ARHGAP6: variants seen among roughly 807,000 people sequenced by gnomAD.
ARHGAP6 encodes the protein Rho GTPase activating protein 6, also known as rho GTPase-activating protein 6.
A neutral mutation model predicts 55.7 loss-of-function variants in ARHGAP6; 16 were observed. That is an observed-to-expected ratio of 0.29 (90% CI 0.19 to 0.44). ARHGAP6 has a LOEUF of 0.44. Ranked by LOEUF, ARHGAP6 falls within the 20% of genes least tolerant of loss-of-function variation. ARHGAP6 has a pLI of 1.00. For missense variants in ARHGAP6, 698 were observed against 808.9 expected (o/e 0.86, Z 1.66); for synonymous variants, 382 against 360.9 (o/e 1.06, Z -0.66).
chrX:11,524,453 T>G (rs1245852185), intron 1 of ARHGAP6, among the ~76,000 whole-genome samples: 1 of 112,191 alleles, frequency 8.9e-6, no homozygotes, highest in Non-Finnish European at 1.9e-5. Context: ...TGGGTCTACC[T>G]GCCCACTCCC....
chrX:11,617,463 G>A (rs984175607), intron 1 of ARHGAP6, among the ~76,000 whole-genome samples: 1 of 111,706 alleles, frequency 9.0e-6, no homozygotes, highest in Non-Finnish European at 1.9e-5. Flanking sequence ...ATTTGTGATA[G>A]GCAAAATAAC....
intron 1 of ARHGAP6, among the ~76,000 whole-genome samples, chrX:11,633,010 A>G (rs894179999): frequency 8.9e-6 from 1 of 111,772 alleles, no homozygotes; most frequent in Non-Finnish European, 1.9e-5. Context: ...ACTCTGAGGT[A>G]TAATTTACCC....
intron 1 of ARHGAP6, among the ~76,000 whole-genome samples, chrX:11,599,539 A>C (rs1174479086): frequency 8.9e-6 from 1 of 112,181 alleles, no homozygotes; most frequent in Non-Finnish European, 1.9e-5. Context: ...TAAGACAAAC[A>C]CTACATAATA....
intron 2 of ARHGAP6, among the ~76,000 whole-genome samples, chrX:11,204,750 C>T (rs943967857): frequency 8.9e-6 from 1 of 112,041 alleles, no homozygotes; most frequent in Non-Finnish European, 1.9e-5. Context: ...GAACCAGCCA[C>T]CTCAAAGTCG....
intron 1 of ARHGAP6, among the ~76,000 whole-genome samples, chrX:11,617,788 G>A (rs890697567): frequency 1.8e-5 from 2 of 111,393 alleles, no homozygotes; most frequent in South Asian, 3.8e-4. Context: ...TTATAAGGTC[G>A]TGCTGCTTGA....
At chrX:11,326,714 C>T (rs1050722159) in intron 1 of ARHGAP6, among the ~76,000 whole-genome samples, 2 of 111,842 alleles carry the variant, frequency 1.8e-5, no homozygotes, top group Non-Finnish European at 3.8e-5. Context: ...TATTAAAAAA[C>T]AAACTTTTAA....
At chrX:11,443,141 G>A (rs2050057171) in intron 1 of ARHGAP6, among the ~76,000 whole-genome samples, 1 of 111,981 alleles carries the variant, frequency 8.9e-6, no homozygotes. Flanking sequence ...CCATTGATCT[G>A]TTTGCCTGTT....
chrX:11,245,374 G>C (rs1164286178), intron 2 of ARHGAP6, among the ~76,000 whole-genome samples: 2 of 111,411 alleles, frequency 1.8e-5, no homozygotes, highest in African/African-American at 3.3e-5. Flanking sequence ...AGCCCTCTGG[G>C]TGTCACTCCC....
At position 11,225,785 on chromosome X, in the gene ARHGAP6, T is replaced by C. The variant is rs775538324; in HGVS notation, c.748+28763A>G. Reference sequence around the variant, plus strand: ...TGTTCTATTTGGTAACACAATACGTTCTTATAAAATACAACTCATGAACAA... The same window carrying C: ...TGTTCTATTTGGTAACACAATACGTCCTTATAAAATACAACTCATGAACAA... On this transcript the variant is annotated intron_variant, in intron 2 of 12. Coordinates refer to ENST00000337414, the MANE Select transcript of ARHGAP6 (RefSeq NM_013427.3). The C allele has an allele frequency of 1.0e-4, 39 of 391,685 alleles. No homozygotes were observed. The South Asian group carries it at 1.4e-3, about 14-fold the overall frequency. The allele number at this position is 391,685 out of a possible 1,213,427, so 32.3% of individuals were successfully genotyped here.
At chrX:11,405,809 A>C (rs1308770586) in intron 1 of ARHGAP6, among the ~76,000 whole-genome samples, 1 of 112,068 alleles carries the variant, frequency 8.9e-6, no homozygotes, top group Non-Finnish European at 1.9e-5. Flanking sequence ...TTACAACCCA[A>C]CTTCACCACT....
chrX:11,367,798 C>T lies in ARHGAP6; in HGVS notation c.589-113091G>A, dbSNP rs1265005192. The T allele has an allele frequency of 5.3e-5, 40 of 751,814 alleles. No individual in the cohort carries two copies. In the South Asian group the frequency reaches 1.1e-3, roughly 21 times the overall value. The allele number at this position is 751,814 out of a possible 1,213,427, so 62.0% of individuals were successfully genotyped here. A position where few individuals can be genotyped will look rare whatever the true frequency, so the allele number is the denominator to read the frequency against. ...CCAGATTGTGGGACTTCCAGGCTTC[C>T]GCCCTATCAGGCAGGCACATCTGCT... On this transcript the variant is annotated intron_variant, in intron 1 of 12. Coordinates refer to ENST00000337414, the MANE Select transcript of ARHGAP6 (RefSeq NM_013427.3).
At chrX:11,499,460 T>C (rs5935080) in intron 1 of ARHGAP6, among the ~76,000 whole-genome samples, 1,984 of 111,988 alleles carry the variant, frequency 0.018, 28 homozygotes, top group Middle Eastern at 0.06. Context: ...TTCAAAATAG[T>C]AGTCCTGTAT....
chrX:11,364,405 G>A (rs1232290571), intron 1 of ARHGAP6, among the ~76,000 whole-genome samples: 1 of 108,828 alleles, frequency 9.2e-6, no homozygotes, highest in African/African-American at 3.3e-5. Context: ...AATTAGCCAT[G>A]TGACCTTGGA....
chrX:11,271,791 C>T (rs1040552073), intron 1 of ARHGAP6, among the ~76,000 whole-genome samples: 1 of 111,640 alleles, frequency 9.0e-6, no homozygotes, highest in Admixed American at 9.5e-5. Context: ...TCATCTAAAT[C>T]TTGTAGAGTA....
intron 1 of ARHGAP6, among the ~76,000 whole-genome samples, chrX:11,482,019 G>A (rs1277921608): frequency 8.9e-6 from 1 of 112,660 alleles, no homozygotes; most frequent in East Asian, 2.8e-4. Flanking sequence ...GGTGAAACCT[G>A]GAAGCTACAG....
intron 1 of ARHGAP6, among the ~76,000 whole-genome samples, chrX:11,502,922 G>C (rs1440328286): frequency 9.1e-6 from 1 of 110,352 alleles, no homozygotes; most frequent in Non-Finnish European, 1.9e-5. Context: ...TTCAGATGGA[G>C]TCTTGCTCTG....
chrX:11,418,932 G>A (rs1026038517), intron 1 of ARHGAP6, among the ~76,000 whole-genome samples: 5 of 111,649 alleles, frequency 4.5e-5, no homozygotes, highest in Admixed American at 9.5e-5. Flanking sequence ...TGTCAACACC[G>A]ACCCCCCCTC....
intron 2 of ARHGAP6, chrX:11,225,779 A>G: frequency 2.4e-6 from 1 of 411,666 alleles, no homozygotes. Flanking sequence ...TGGTAACACA[A>G]TACGTTCTTA....
intron 10 of ARHGAP6, among the ~76,000 whole-genome samples, chrX:11,151,061 C>G (rs753878333): frequency 1.3e-4 from 14 of 111,074 alleles, no homozygotes; most frequent in African/African-American, 4.3e-4. Flanking sequence ...TACTGTGATT[C>G]CTTTGTTTTG....
Sources: allele counts gnomAD v4.1 joint callset (sites outside exome capture counted in the v4.1 genomes callset), GRCh38; gene constraint gnomAD v4.1.1; transcripts MANE v1.5; gene names NCBI Gene and HGNC (gene_info 2026-07-23, HGNC 2026-07-21).